P2RX5: variants seen among roughly 807,000 people sequenced by gnomAD.
The protein encoded by P2RX5 is purinergic receptor P2X 5.
In P2RX5, 46 loss-of-function variants were observed where a neutral mutation model predicts 54.1. The ratio of observed to expected loss-of-function variants is 0.85; its 90% confidence interval spans 0.67 to 1.09. The LOEUF is 1.09. P2RX5 is among the 50% of genes least tolerant of loss of function. P2RX5 has a pLI of 0.00. For missense variants in P2RX5, 566 were observed against 549.8 expected, an observed-to-expected ratio of 1.03 and a Z score of -0.29; for synonymous variants, 226 against 226.4, an observed-to-expected ratio of 1.00 and a Z score of 0.02.
intron 10 of P2RX5, among the ~76,000 whole-genome samples, chr17:3,681,167 C>CTA (rs1288276425): frequency 1.3e-5 from 2 of 152,220 alleles, no homozygotes; most frequent in Non-Finnish European, 2.9e-5. Context: ...GGGCGCACGG[C>CTA]TATAACCCAG....
chr17:3,718,750 C>G, the P2RX5 span, among the ~76,000 whole-genome samples: 1 of 152,186 alleles, frequency 6.6e-6, no homozygotes, highest in Non-Finnish European at 1.5e-5. Context: ...ATAGTAACTC[C>G]TCCCTGCTGG....
At chr17:3,697,385 C>T (rs1236052945), upstream of P2RX5, among the ~76,000 whole-genome samples, 1 of 152,122 alleles carries the variant, frequency 6.6e-6, no homozygotes, top group Non-Finnish European at 1.5e-5. Flanking sequence ...GCCAAAGACG[C>T]AGGGCCCTGG....
At chr17:3,719,774 C>G in the P2RX5 span, among the ~76,000 whole-genome samples, 1 of 152,170 alleles carries the variant, frequency 6.6e-6, no homozygotes, top group Admixed American at 6.5e-5. Context: ...ATCACTGAGG[C>G]TGGAGTGGAG....
At chr17:3,708,111 G>GAGGGCA in the P2RX5 span, among the ~76,000 whole-genome samples, 3 of 151,580 alleles carry the variant, frequency 2.0e-5, no homozygotes, top group African/African-American at 7.3e-5. Context: ...GGGACAGAGG[G>GAGGGCA]AGGGCAAGGG....
At chr17:3,711,370 C>CTTTTTTTGTTTTTTTTTT in the P2RX5 span, among the ~76,000 whole-genome samples, 1 of 63,110 alleles carries the variant, frequency 1.6e-5, no homozygotes, top group Non-Finnish European at 2.6e-5. Context: ...AGCACTCATT[C>CTTTTTTTGTTTTTTTTTT]TTTTTTTTTT....
chr17:3,694,303 A>C (rs1373468018), intron 1 of P2RX5, among the ~76,000 whole-genome samples: 1 of 151,554 alleles, frequency 6.6e-6, no homozygotes, highest in African/African-American at 2.4e-5. Flanking sequence ...AAATCCATAG[A>C]GACAGATTCT....
At chr17:3,694,726 C>T (rs1203091013) in intron 1 of P2RX5, among the ~76,000 whole-genome samples, 1 of 152,212 alleles carries the variant, frequency 6.6e-6, no homozygotes, top group East Asian at 1.9e-4. Flanking sequence ...TTCATTCATG[C>T]GTTCATTTCA....
At position 3,696,085 on chromosome 17, in the gene P2RX5, G is replaced by T; in HGVS notation, c.-80C>A. 7 of 1,450,220 alleles carry T rather than the reference G, an allele frequency of 4.8e-6. No homozygotes were observed. The highest frequency in any genetic ancestry group is 6.4e-6 in the Non-Finnish European group (7 of 1,093,152). The allele number at this position is 1,450,220 out of a possible 1,614,324, so 89.8% of individuals were successfully genotyped here. ...GCACTCGGTCCCTCGGTCCCTGCGC[G>T]CCCGGCGCCCGCCTCGGCCCGTCTG... On this transcript the variant is annotated 5_prime_UTR_variant, in exon 1 of 12. Coordinates refer to ENST00000225328, the MANE Select transcript of P2RX5 (RefSeq NM_002561.4).
At chr17:3,716,642 C>G in the P2RX5 span, 1 of 1,199,502 alleles carries the variant, frequency 8.3e-7, no homozygotes, top group Non-Finnish European at 1.2e-6. Context: ...GTGCCCAAAA[C>G]TAGAGCCCAG....
At chr17:3,705,161 C>T in the P2RX5 span, among the ~76,000 whole-genome samples, 903 of 152,304 alleles carry the variant, frequency 5.9e-3, 11 homozygotes, top group African/African-American at 0.021. Context: ...CTTTCTCACA[C>T]GCATCCGCTC....
At chr17:3,699,917 G>GGAAAGAAAGAAAGAAAGAAAGAAAGAAA (rs71362545), upstream of P2RX5, among the ~76,000 whole-genome samples, 2 of 75,436 alleles carry the variant, frequency 2.7e-5, no homozygotes, top group African/African-American at 9.3e-5. Context: ...AAGGAAGGAA[G>GGAAAGAAAGAAAGAAAGAAAGAAAGAAA]GAAAGAAAGA....
At chr17:3,674,200 A>G (rs891908463) in intron 11 of P2RX5, among the ~76,000 whole-genome samples, 16 of 152,036 alleles carry the variant, frequency 1.1e-4, no homozygotes, top group African/African-American at 3.9e-4. Context: ...AGTCCCAGCT[A>G]CTCGGGAGGC....
the P2RX5 span, chr17:3,716,799 C>T: frequency 6.6e-7 from 1 of 1,513,910 alleles, no homozygotes; most frequent in Non-Finnish European, 9.2e-7. Flanking sequence ...CGACAGTGAT[C>T]TAGACAAGAC....
At chr17:3,691,537 G>A (rs1046402425) in intron 2 of P2RX5, 107 bp downstream of exon 2, 3 of 1,386,998 alleles carry the variant, frequency 2.2e-6, no homozygotes, top group Non-Finnish European at 3.0e-6. Context: ...TGGGCCAAGA[G>A]AGATGATGGA....
the P2RX5 span, among the ~76,000 whole-genome samples, chr17:3,709,985 G>A: frequency 6.6e-6 from 1 of 152,154 alleles, no homozygotes; most frequent in African/African-American, 2.4e-5. Flanking sequence ...TCCATATACT[G>A]AATCTGTTCC....
At chr17:3,723,060 T>C in the P2RX5 span, among the ~76,000 whole-genome samples, 2 of 152,176 alleles carry the variant, frequency 1.3e-5, no homozygotes, top group African/African-American at 2.4e-5. Flanking sequence ...CGTGGGGATG[T>C]AGGAAAGAGG....
chr17:3,705,842 C>A, the P2RX5 span, among the ~76,000 whole-genome samples: 1 of 152,138 alleles, frequency 6.6e-6, no homozygotes, highest in Non-Finnish European at 1.5e-5. Context: ...GTCACCCAGG[C>A]TGGCGTGCAG....
upstream of P2RX5, among the ~76,000 whole-genome samples, chr17:3,699,088 CACACACCT>C (rs1191615651): frequency 4.4e-5 from 3 of 67,828 alleles, no homozygotes; most frequent in African/African-American, 8.4e-5. Flanking sequence ...CACACACACA[CACACACCT>C]ATATATATAA....
At chr17:3,720,004 G>A in the P2RX5 span, among the ~76,000 whole-genome samples, 1 of 152,150 alleles carries the variant, frequency 6.6e-6, no homozygotes, top group South Asian at 2.1e-4. Context: ...AGGATTACAG[G>A]CGTGAGCCAC....
Sources: gnomAD v4.1 joint callset for allele counts (sites outside exome capture counted in the v4.1 genomes callset) on GRCh38, gnomAD v4.1.1 for gene constraint, MANE v1.5 for transcripts, NCBI Gene and HGNC (gene_info 2026-07-23, HGNC 2026-07-21) for gene names.